PRKN: variants seen among roughly 807,000 people sequenced by gnomAD.
PRKN encodes the protein parkin RBR E3 ubiquitin protein ligase.
Under a neutral mutation model 59.5 loss-of-function variants are expected in PRKN, and 56 were observed. That is an observed-to-expected ratio of 0.94 (90% CI 0.76 to 1.18). The LOEUF (loss-of-function observed/expected upper bound fraction) is 1.18, where lower values mean the gene tolerates loss of function less well. Ranked by LOEUF, PRKN falls within the 50% of genes most tolerant of loss-of-function variation. The pLI, the probability that PRKN is intolerant of heterozygous loss-of-function variation, is 0.00. For missense variants in PRKN, 657 were observed against 596.4 expected (o/e 1.10, Z -1.06); for synonymous variants, 250 against 222.1 (o/e 1.13, Z -1.12).
At chr6:161,370,744 T>C (rs573968793) in intron 10 of PRKN, among the ~76,000 whole-genome samples, 2 of 152,296 alleles carry the variant, frequency 1.3e-5, no homozygotes, top group South Asian at 4.1e-4. Context: ...ATTAGACAAG[T>C]CTATTCTAAT....
At chr6:162,424,276 G>A (rs971946816) in intron 2 of PRKN, among the ~76,000 whole-genome samples, 1 of 152,130 alleles carries the variant, frequency 6.6e-6, no homozygotes, top group African/African-American at 2.4e-5. Flanking sequence ...GTAGAGCACA[G>A]AAAATCTCTA....
intron 4 of PRKN, among the ~76,000 whole-genome samples, chr6:162,137,487 G>A (rs1242976070): frequency 6.6e-6 from 1 of 152,164 alleles, no homozygotes; most frequent in Non-Finnish European, 1.5e-5. Flanking sequence ...TAGAAAAATA[G>A]AGAAACAACT....
At chr6:162,391,082 T>C (rs2128144692) in intron 2 of PRKN, among the ~76,000 whole-genome samples, 1 of 152,318 alleles carries the variant, frequency 6.6e-6, no homozygotes, top group Middle Eastern at 3.4e-3. Flanking sequence ...GAAACTATTT[T>C]AGCTGGCCAC....
At chr6:161,995,743 A>T (rs1307240785) in intron 5 of PRKN, among the ~76,000 whole-genome samples, 1 of 152,178 alleles carries the variant, frequency 6.6e-6, no homozygotes, top group Non-Finnish European at 1.5e-5. Context: ...TATCAAAAAG[A>T]CACAAAATAA....
chr6:161,593,452 G>A lies in PRKN; in HGVS notation c.872-24036C>T, dbSNP rs1413182794. On this transcript the variant is annotated intron_variant, in intron 7 of 11. Transcript: ENST00000366898. This position sits in a 1 kb window ranked among gnomAD's most constrained non-coding sequence, Gnocchi z 4.8. ...CCAACCCTGAACTCTGGAATAGTCTGGGGGAGCAAAACAAGATCCAGGGAG... is the reference window on the plus strand; with the variant it reads ...CCAACCCTGAACTCTGGAATAGTCTAGGGGAGCAAAACAAGATCCAGGGAG... Among the ~76,000 whole-genome samples the A allele has an allele frequency of 2.0e-5, 3 of 152,142 alleles. No individual in the cohort carries two copies. Among genetic ancestry groups the A allele is most frequent in the Non-Finnish European group, 4.4e-5 (3 of 68,020 alleles).
chr6:161,450,763 GC>G (rs1789700157), intron 9 of PRKN, among the ~76,000 whole-genome samples: 1 of 152,110 alleles, frequency 6.6e-6, no homozygotes, highest in Non-Finnish European at 1.5e-5. Flanking sequence ...CACTGTGTTA[GC>G]CAGGATGGTC....
At chr6:162,716,772 GCACACACACA>G (rs1242131965) in intron 1 of PRKN, among the ~76,000 whole-genome samples, 1 of 134,640 alleles carries the variant, frequency 7.4e-6, no homozygotes, top group African/African-American at 3.3e-5. Context: ...GCGCGCGCAC[GCACACACACA>G]CGCGCACACA....
chr6:161,749,956 G>A lies in PRKN; in HGVS notation c.871+35816C>T, dbSNP rs80101633. Among the ~76,000 whole-genome samples the A allele has an allele frequency of 3.4e-3, 523 of 152,174 alleles. 5 individuals are homozygous for A. Among genetic ancestry groups the A allele is most frequent in the African/African-American group, 0.012 (502 of 41,510 alleles). The stretch of plus-strand genomic sequence containing the variant: ...TACCATTTCCACATTTGTCTAAAAT[G>A]CTGATTTTATAGTCCTCTGTGTTTG... On this transcript the variant is annotated intron_variant, in intron 7 of 11. Transcript: ENST00000366898.
At chr6:161,416,346 CG>C (rs750322452) in intron 9 of PRKN, among the ~76,000 whole-genome samples, 41 of 152,076 alleles carry the variant, frequency 2.7e-4, no homozygotes, top group Non-Finnish European at 5.0e-4. Flanking sequence ...TGTTTTCCCC[CG>C]AGGAGAGCGC....
chr6:162,324,638 C>G (rs1783183472), intron 2 of PRKN, among the ~76,000 whole-genome samples: 1 of 152,038 alleles, frequency 6.6e-6, no homozygotes, highest in South Asian at 2.1e-4. Context: ...AATTCTGCTT[C>G]ACAACTTGCA....
chr6:161,630,869 C>A (rs1239777432), intron 7 of PRKN, among the ~76,000 whole-genome samples: 1 of 152,228 alleles, frequency 6.6e-6, no homozygotes, highest in African/African-American at 2.4e-5. Context: ...AACCACATGA[C>A]ACAGGAAGTT....
chr6:162,707,134 G>C (rs2128237885), intron 1 of PRKN, among the ~76,000 whole-genome samples: 1 of 152,050 alleles, frequency 6.6e-6, no homozygotes, highest in South Asian at 2.1e-4. Context: ...AAAAAGCAGA[G>C]TTTCCCCAGC....
At chr6:161,522,017 G>C (rs1482205167) in intron 9 of PRKN, among the ~76,000 whole-genome samples, 1 of 152,120 alleles carries the variant, frequency 6.6e-6, no homozygotes, top group Non-Finnish European at 1.5e-5. Context: ...AGCTCTGTTG[G>C]GGCTGGGAGG....
chr6:161,979,857 T>C (rs1781195168), intron 5 of PRKN, among the ~76,000 whole-genome samples: 1 of 152,174 alleles, frequency 6.6e-6, no homozygotes, highest in Non-Finnish European at 1.5e-5. Flanking sequence ...TGCTCACTTA[T>C]GTCCCTTCAC....
Position 161,376,450 on chromosome 6 carries a change from A to G in PRKN, c.1167+10344T>C, listed in dbSNP as rs968809381. 1.3e-5 allele frequency among the ~76,000 whole-genome samples: 2 copies of G among 152,166 alleles called. No individual in the cohort carries two copies. Among genetic ancestry groups the G allele is most frequent in the African/African-American group, 4.8e-5 (2 of 41,428 alleles). On this transcript the variant is annotated intron_variant, in intron 10 of 11. Transcript: ENST00000366898. This position sits in a 1 kb window ranked among gnomAD's most constrained non-coding sequence, Gnocchi z 7.3. ...TTCTAAGCTAGACATTCATGCATCA[A>G]CATTAACCCGTCTCCTCTCATCCTG...
chr6:161,850,721 G>A (rs530530455), intron 6 of PRKN, among the ~76,000 whole-genome samples: 2 of 152,270 alleles, frequency 1.3e-5, no homozygotes, highest in Admixed American at 1.3e-4. Context: ...ACTCAGGAAT[G>A]TGTTGAAAGC....
At chr6:162,498,898 G>C (rs149662815) in intron 1 of PRKN, among the ~76,000 whole-genome samples, 2 of 152,196 alleles carry the variant, frequency 1.3e-5, no homozygotes, top group East Asian at 3.9e-4. Flanking sequence ...TACTGAAAAT[G>C]ATCATTGTCT....
chr6:162,325,855 T>G (rs988860763), intron 2 of PRKN, among the ~76,000 whole-genome samples: 1 of 152,128 alleles, frequency 6.6e-6, no homozygotes, highest in South Asian at 2.1e-4. Context: ...AAAGAGTAAG[T>G]CAAACAAATT....
intron 2 of PRKN, among the ~76,000 whole-genome samples, chr6:162,427,670 G>C (rs2128161571): frequency 6.8e-6 from 1 of 147,724 alleles, no homozygotes; most frequent in Non-Finnish European, 1.5e-5. Flanking sequence ...TTTTTTGATG[G>C]AGTCTCGCTC....
Sources: gnomAD v4.1 joint callset for allele counts (sites outside exome capture counted in the v4.1 genomes callset) on GRCh38, gnomAD v4.1.1 for gene constraint, Gnocchi (gnomAD v3.1) non-coding constraint, MANE v1.5 for transcripts, NCBI Gene and HGNC (gene_info 2026-07-23, HGNC 2026-07-21) for gene names.